SMPD2: variants seen among roughly 807,000 people sequenced by gnomAD.
The protein encoded by SMPD2 is sphingomyelin phosphodiesterase 2.
Under a neutral mutation model 41.7 loss-of-function variants are expected in SMPD2, and 35 were observed. The ratio of observed to expected loss-of-function variants is 0.84; its 90% CI spans 0.64 to 1.11. The LOEUF is 1.11. Ranked by LOEUF, SMPD2 falls within the 50% of genes most tolerant of loss-of-function variation. SMPD2 has a pLI of 0.00. For missense variants in SMPD2, 520 were observed against 524.8 expected, an observed-to-expected ratio of 0.99 and a Z score of 0.09; for synonymous variants, 201 against 208.2, an observed-to-expected ratio of 0.97 and a Z score of 0.30.
In SMPD2 at chr6:109,443,338, C is replaced by A. The variant is rs1775036886; in HGVS notation, c.801C>A (p.Thr267=). The A allele has an allele frequency of 1.9e-6, 3 of 1,613,476 alleles. No individual in the cohort carries two copies. Among genetic ancestry groups the A allele is most frequent in the African/African-American group, 1.3e-5 (1 of 74,870 alleles). Residue 267 remains threonine, a synonymous_variant, in exon 9 of 10, where the codon ACC becomes ACA. Transcript: ENST00000258052. ...CAGGCTTTGACCCTCACAGGGGCAC[C>A]CCCCTCTCTGATCATGAAGCCCTGA... ...TTTGFDPHRG[T]PLSDHEALMA...
Position 109,440,967 on chromosome 6 carries a change from G to A in SMPD2, c.-155G>A. 2 of 709,614 alleles carry A rather than the reference G, an allele frequency of 2.8e-6. No homozygotes were observed. The highest frequency in any genetic ancestry group is 3.6e-5 in the South Asian group (2 of 55,612). The allele number at this position is 709,614 out of a possible 1,614,324, so 44.0% of individuals were successfully genotyped here. A position where few individuals can be genotyped will look rare whatever the true frequency, so the allele number is the denominator to read the frequency against. On this transcript the variant is annotated 5_prime_UTR_variant, in exon 1 of 10. Coordinates refer to ENST00000258052, the MANE Select transcript of SMPD2 (RefSeq NM_003080.3). Reference sequence around the variant, plus strand: ...GTTGCCGGGGGAACGCGGGAGTCGGGCCCGACCTGAGCCACGCGGGCTTGG... The same window carrying A: ...GTTGCCGGGGGAACGCGGGAGTCGGACCCGACCTGAGCCACGCGGGCTTGG...
At chr6:109,441,898 T>C (rs1420664528) in intron 3 of SMPD2, 76 bp from the exon 4 acceptor site, 30 of 1,329,276 alleles carry the variant, frequency 2.3e-5, no homozygotes, top group Non-Finnish European at 2.8e-5. Context: ...TGATCAGAGC[T>C]GGAAGACAAG....
chr6:109,441,881 A>C, intron 3 of SMPD2, 93 bp from the exon 4 acceptor site: 1 of 1,234,002 alleles, frequency 8.1e-7, no homozygotes, highest in African/African-American at 1.5e-5. Context: ...AAAAAGAAAA[A>C]AATAGCTGAT....
rs958851182 is a variant in SMPD2 at position 109,442,558 on chromosome 6, A to C, written c.424A>C (p.Asn142His). 1 of 1,613,360 alleles carries C rather than the reference A, an allele frequency of 6.2e-7. No homozygotes were observed. Among genetic ancestry groups the C allele is most frequent in the African/African-American group, 1.3e-5 (1 of 74,918 alleles). Residue 142 changes from asparagine to histidine, a missense_variant, in exon 6 of 10, where the codon AAT becomes CAT. By Grantham distance (68) the Asn-to-His change is moderately conservative (BLOSUM62 1). Transcript: ENST00000258052. ...AYVTHLHAEY[N>H]RQKDIYLAHR... ...TCTTGCTCAGCTCCATGCCGAATACAATCGACAGAAGGACATCTACCTAGC... is the reference window on the plus strand; with the variant it reads ...TCTTGCTCAGCTCCATGCCGAATACCATCGACAGAAGGACATCTACCTAGC...
Position 109,442,624 on chromosome 6 carries a change from C to G in SMPD2, c.490C>G (p.His164Asp), listed in dbSNP as rs1390299919. 2 of 1,614,052 alleles carry G rather than the reference C, an allele frequency of 1.2e-6. No homozygotes were observed. Among genetic ancestry groups the G allele is most frequent in the Non-Finnish European group, 1.7e-6 (2 of 1,180,038 alleles). ...AQAWELAQFI[H>D]HTSKKADVVL... ...AGCTTGGGAATTGGCCCAGTTCATC[C>G]AGTGTGTGAGCCTGGGCTTGAAATG... Residue 164 changes from histidine to aspartate, a missense_variant and splice_region_variant, in exon 6 of 10, where the codon CAC (histidine) becomes GAC (aspartate). By Grantham distance (81) the His-to-Asp change is moderately conservative. Coordinates refer to ENST00000258052, the MANE Select transcript of SMPD2 (RefSeq NM_003080.3).
chr6:109,443,806 T>G lies in SMPD2; in HGVS notation c.1173T>G (p.His391Gln), dbSNP rs770502958. ...ATAGGGCCCAGGCTGAGCTCCAGCATGTGCTAGGAAGGGCAAGGGAGGCCC... is the reference window on the plus strand; with the variant it reads ...ATAGGGCCCAGGCTGAGCTCCAGCAGGTGCTAGGAAGGGCAAGGGAGGCCC... ...GLYRAQAELQ[H>Q]VLGRAREAQD... The change falls in exon 10 of 10, where the codon CAT (histidine) becomes CAG (glutamine). Residue 391 changes from histidine to glutamine, a missense_variant. By Grantham distance (24) the His-to-Gln change is conservative. Transcript: ENST00000258052. The G allele has an allele frequency of 7.4e-6, 12 of 1,614,086 alleles. No homozygotes were observed. The highest frequency in any genetic ancestry group is 9.3e-6 in the Non-Finnish European group (11 of 1,180,004).
chr6:109,441,839 C>T (rs773700573), intron 3 of SMPD2, 135 bp from the exon 4 acceptor site: 116 of 939,218 alleles, frequency 1.2e-4, no homozygotes, highest in Middle Eastern at 2.8e-4. Context: ...CAAAGGCTGT[C>T]GCCTTGGTTC....
Position 109,440,836 on chromosome 6 carries a change from C to G in SMPD2, c.-286C>G. The G allele has an allele frequency of 2.4e-6, 1 of 415,214 alleles. No individual in the cohort carries two copies. Among genetic ancestry groups the G allele is most frequent in the Non-Finnish European group, 4.2e-6 (1 of 238,234 alleles). 25.7% of individuals were successfully genotyped at this position (415,214 alleles called of 1,614,324 possible). A position where few individuals can be genotyped will look rare whatever the true frequency, so the allele number is the denominator to read the frequency against. ...CGCCCACCCGGGGGCGCTCTCCGGA[C>G]CCCCAGGGTCCTAGCGCGCGGCCCT... On this transcript the variant is annotated 5_prime_UTR_variant, in exon 1 of 10. Coordinates refer to ENST00000258052, the MANE Select transcript of SMPD2 (RefSeq NM_003080.3).
In SMPD2 at chr6:109,443,519, C is replaced by T. The variant is rs1403519704; in HGVS notation, c.886C>T (p.Pro296Ser). The T allele has an allele frequency of 1.9e-6, 3 of 1,609,292 alleles. No homozygotes were observed. The East Asian group carries it at 6.7e-5, about 36-fold the overall frequency. Residue 296 changes from proline (P) to serine (S), a missense_variant and splice_region_variant, in exon 10 of 10, where the codon CCA becomes TCA. Physicochemically the swap from Pro to Ser is moderately conservative, Grantham distance 74. Transcript: ENST00000258052. Reference sequence around the variant, plus strand: ...CCCACTGCCCTGCTCTGTTGTAGGACCAGCAGAGAGGTCGCCGTTGATGTG... The same window carrying T: ...CCCACTGCCCTGCTCTGTTGTAGGATCAGCAGAGAGGTCGCCGTTGATGTG... ...PQQNPSSTHG[P>S]AERSPLMCVL...
chr6:109,442,497 T>C, intron 5 of SMPD2, 46 bp from the exon 6 acceptor site: 3 of 1,541,286 alleles, frequency 1.9e-6, no homozygotes, highest in Non-Finnish European at 2.7e-6. Flanking sequence ...GACATACCCC[T>C]GGGACCCTCA....
In SMPD2 at chr6:109,441,401, G is replaced by T. The variant is rs751672841; in HGVS notation, c.95G>T (p.Arg32Leu). 3 of 1,614,180 alleles carry T rather than the reference G, an allele frequency of 1.9e-6. No individual in the cohort carries two copies. The highest frequency in any genetic ancestry group is 2.2e-5 in the South Asian group (2 of 91,090). Residue 32 changes from arginine to leucine, a missense_variant, in exon 2 of 10, where the codon CGC (arginine) becomes CTC (leucine). Arg to Leu is a moderately radical substitution (Grantham distance 102). Transcript: ENST00000258052. ...LSKHRADRMR[R>L]LGDFLNQESF... is the part of the protein sequence containing the mutation. ...AAGCACCGGGCCGACCGCATGAGGC[G>T]CCTGGGAGACTTTCTGAACCAGGAG...
chr6:109,440,969 C>T lies in SMPD2; in HGVS notation c.-153C>T. 1 of 718,720 alleles carries T rather than the reference C, an allele frequency of 1.4e-6. No homozygotes were observed. Among genetic ancestry groups the T allele is most frequent in the Admixed American group, 2.8e-5 (1 of 35,736 alleles). The allele number at this position is 718,720 out of a possible 1,614,324, so 44.5% of individuals were successfully genotyped here. A position where few individuals can be genotyped will look rare whatever the true frequency, so the allele number is the denominator to read the frequency against. On this transcript the variant is annotated 5_prime_UTR_variant, in exon 1 of 10. Transcript: ENST00000258052. Reference sequence around the variant, plus strand: ...TGCCGGGGGAACGCGGGAGTCGGGCCCGACCTGAGCCACGCGGGCTTGGTG... The same window carrying T: ...TGCCGGGGGAACGCGGGAGTCGGGCTCGACCTGAGCCACGCGGGCTTGGTG...
At chr6:109,443,117 G>C in intron 8 of SMPD2, 36 bp downstream of exon 8, 1 of 1,573,630 alleles carries the variant, frequency 6.4e-7, no homozygotes, top group South Asian at 1.1e-5. Context: ...TTCATATGCT[G>C]TGTCTCTTTG....
At position 109,442,546 on chromosome 6, in the gene SMPD2, C is replaced by G; in HGVS notation, c.412C>G (p.His138Asp). The G allele has an allele frequency of 6.2e-7, 1 of 1,611,874 alleles. No individual in the cohort carries two copies. The highest frequency in any genetic ancestry group is 1.1e-5 in the South Asian group (1 of 90,784). Residue 138 changes from histidine to aspartate, a missense_variant, in exon 6 of 10, where the codon CAT (histidine) becomes GAT (aspartate). Transcript: ENST00000258052. The stretch of plus-strand genomic sequence containing the variant: ...TGATCTCATCTATCTTGCTCAGCTC[C>G]ATGCCGAATACAATCGACAGAAGGA... The part of the protein sequence containing the change: ...MVLNAYVTHL[H>D]AEYNRQKDIY...
At position 109,440,951 on chromosome 6, in the gene SMPD2, G is replaced by C; in HGVS notation, c.-171G>C. ...TGGGAACAGCCGGCCGGTTGCCGGG[G>C]GAACGCGGGAGTCGGGCCCGACCTG... On this transcript the variant is annotated 5_prime_UTR_variant, in exon 1 of 10. Coordinates refer to ENST00000258052, the MANE Select transcript of SMPD2 (RefSeq NM_003080.3). 5 of 625,630 alleles carry C rather than the reference G, an allele frequency of 8.0e-6. No homozygotes were observed. In the South Asian group the frequency reaches 1.0e-4, roughly 13 times the overall value. 38.8% of individuals were successfully genotyped at this position (625,630 alleles called of 1,614,324 possible). A position where few individuals can be genotyped will look rare whatever the true frequency, so the allele number is the denominator to read the frequency against.
rs1562284350 is a variant in SMPD2, at chr6:109,443,762, CAGG to C, written c.1133_1135del (p.Glu378del). 3 of 1,614,190 alleles carry C rather than the reference CAGG, an allele frequency of 1.9e-6. No individual in the cohort carries two copies. Among genetic ancestry groups the C allele is most frequent in the East Asian group, 2.2e-5 (1 of 44,878 alleles). On this transcript the variant is annotated inframe_deletion, in exon 10 of 10. Coordinates refer to ENST00000258052, the MANE Select transcript of SMPD2 (RefSeq NM_003080.3). ...AGGTGCATTCTACCTCTTCCACGTA[CAGG>C]AGGTCAATGGCTTATATAGGGCCCA...
intron 4 of SMPD2, 52 bp downstream of exon 4, chr6:109,442,119 C>T: frequency 1.3e-6 from 2 of 1,580,770 alleles, no homozygotes; most frequent in South Asian, 1.1e-5. Flanking sequence ...TCCAGTAATA[C>T]AAGGTAGAGG....
rs1385165884 is a variant in SMPD2, at chr6:109,441,630, T to C, written c.224+2T>C. On this transcript the variant is annotated splice_donor_variant, in intron 3 of 9. Coordinates refer to ENST00000258052, the MANE Select transcript of SMPD2 (RefSeq NM_003080.3). LOFTEE classifies it high-confidence loss of function. ...CCCAGCTGCACACCACTTCCGGAGG[T>C]GAGAAGCCCACTGGCCTGAAGCCTG... 9.3e-6 allele frequency: 15 copies of C among 1,613,916 alleles called. No homozygotes were observed. Among genetic ancestry groups the C allele is most frequent in the Non-Finnish European group, 1.2e-5 (14 of 1,179,850 alleles).
At position 109,441,459 on chromosome 6, in the gene SMPD2, A is replaced by C; in HGVS notation, c.147+6A>C. 2 of 1,613,734 alleles carry C rather than the reference A, an allele frequency of 1.2e-6. No homozygotes were observed. The highest frequency in any genetic ancestry group is 8.5e-7 in the Non-Finnish European group (1 of 1,179,628). On this transcript the variant is annotated splice_donor_region_variant and intron_variant, in intron 2 of 9. Transcript: ENST00000258052. ...ACCTGGCTTTGCTGGAGGAGGTGAGATTGTGCAGCACGGTGCGGAACCCAG... is the reference window on the plus strand; with the variant it reads ...ACCTGGCTTTGCTGGAGGAGGTGAGCTTGTGCAGCACGGTGCGGAACCCAG...
Sources: allele counts gnomAD v4.1 joint callset, GRCh38; gene constraint gnomAD v4.1.1; transcripts MANE v1.5; gene names NCBI Gene and HGNC (gene_info 2026-07-23, HGNC 2026-07-21).